The following DPP10 variants were observed in gnomAD, a reference collection of about 807,000 sequenced individuals.
DPP10 encodes inactive dipeptidyl peptidase 10.
A neutral mutation model predicts 120.9 loss-of-function variants in DPP10; 33 were observed. That is an observed-to-expected ratio of 0.27 (90% CI 0.21 to 0.37). The LOEUF (loss-of-function observed/expected upper bound fraction) is 0.37. DPP10 is among the 10% of genes least tolerant of loss of function. The pLI is 1.00. For synonymous variants in DPP10, 337 were observed against 326.1 expected (o/e 1.03, Z -0.36); for missense variants, 816 against 942.8 (o/e 0.87, Z 1.76).
chr2:115,572,996 TG>T (rs2081427644), intron 5 of DPP10, among the ~76,000 whole-genome samples: 1 of 152,176 alleles, frequency 6.6e-6, no homozygotes, highest in African/African-American at 2.4e-5. Flanking sequence ...TGTTTCTAAA[TG>T]CTGAGATAGA....
chr2:114,464,009 G>A (rs1399513239), intron 1 of DPP10, among the ~76,000 whole-genome samples: 1 of 152,170 alleles, frequency 6.6e-6, no homozygotes, highest in Non-Finnish European at 1.5e-5. Flanking sequence ...AATATTATCT[G>A]TGGATGTGTC....
In DPP10 at chr2:115,244,875, G is replaced by A. The variant is rs543425041; in HGVS notation, c.61-64364G>A. ...TATATATAATTTCATTAGTTTGGGG[G>A]AACAGGTGTTTTCTGTTACATAGAT... On this transcript the variant is annotated intron_variant, in intron 1 of 25. Transcript: ENST00000410059. Among the ~76,000 whole-genome samples the A allele has an allele frequency of 1.5e-4, 22 of 149,886 alleles. 1 individual carries two copies. In the South Asian group the frequency reaches 4.6e-3, roughly 31 times the overall value.
At chr2:115,290,812 G>C (rs776702383) in intron 1 of DPP10, among the ~76,000 whole-genome samples, 8 of 152,068 alleles carry the variant, frequency 5.3e-5, no homozygotes, top group Non-Finnish European at 1.2e-4. Flanking sequence ...CTCTAGCATT[G>C]CTTATGAAGG....
chr2:115,495,641 GT>G (rs2076356032), intron 3 of DPP10, among the ~76,000 whole-genome samples: 1 of 152,132 alleles, frequency 6.6e-6, no homozygotes, highest in South Asian at 2.1e-4. Flanking sequence ...AGGATACTAT[GT>G]TTTTCTTTTT....
intron 5 of DPP10, among the ~76,000 whole-genome samples, chr2:115,626,710 A>G (rs1439817399): frequency 6.6e-6 from 1 of 152,178 alleles, no homozygotes; most frequent in Non-Finnish European, 1.5e-5. Flanking sequence ...GATTTTCTTT[A>G]GAAGTATCAG....
intron 1 of DPP10, among the ~76,000 whole-genome samples, chr2:115,300,677 A>T (rs2061086170): frequency 6.6e-6 from 1 of 152,048 alleles, no homozygotes; most frequent in Admixed American, 6.6e-5. Context: ...ATGAATTCCC[A>T]GCTACAATTT....
intron 5 of DPP10, among the ~76,000 whole-genome samples, chr2:115,680,987 T>TTTG (rs1245406639): frequency 6.6e-6 from 1 of 151,836 alleles, no homozygotes; most frequent in Admixed American, 6.6e-5. Context: ...GTCTAAATGA[T>TTTG]TTGTTGTTGT....
intron 1 of DPP10, among the ~76,000 whole-genome samples, chr2:115,123,454 G>A (rs1055733999): frequency 1.3e-5 from 2 of 152,182 alleles, no homozygotes; most frequent in Non-Finnish European, 2.9e-5. Context: ...AGTTACTGAA[G>A]TAGTGCAAAT....
intron 1 of DPP10, among the ~76,000 whole-genome samples, chr2:114,835,958 C>A (rs1370925043): frequency 6.6e-6 from 1 of 152,116 alleles, no homozygotes; most frequent in Non-Finnish European, 1.5e-5. Context: ...GCCTTATCTT[C>A]TTTTGCCCTT....
At chr2:115,293,366 A>G (rs1051573572) in intron 1 of DPP10, among the ~76,000 whole-genome samples, 2 of 152,156 alleles carry the variant, frequency 1.3e-5, no homozygotes, top group East Asian at 1.9e-4. Context: ...AGAGACTCAC[A>G]TATCATGGAA....
intron 2 of DPP10, among the ~76,000 whole-genome samples, chr2:115,343,547 A>T (rs1442080857): frequency 2.0e-5 from 3 of 152,138 alleles, no homozygotes; most frequent in Non-Finnish European, 4.4e-5. Context: ...AGGAATTCTT[A>T]ACTGCTTTCA....
chr2:115,696,667 G>A (rs754583206), intron 7 of DPP10, among the ~76,000 whole-genome samples: 6 of 152,108 alleles, frequency 3.9e-5, no homozygotes, highest in African/African-American at 1.2e-4. Context: ...GCCTTATAAA[G>A]AAATAAAGAT....
chr2:115,292,496 A>G (rs1274047842), intron 1 of DPP10, among the ~76,000 whole-genome samples: 1 of 152,132 alleles, frequency 6.6e-6, no homozygotes, highest in Non-Finnish European at 1.5e-5. Flanking sequence ...CTTACCTTAA[A>G]ACACCATATT....
chr2:115,710,233 T>A (rs994496050), intron 7 of DPP10, among the ~76,000 whole-genome samples: 2 of 152,124 alleles, frequency 1.3e-5, no homozygotes, highest in African/African-American at 4.8e-5. Context: ...AAGAAGAACA[T>A]TGGAAATGTT....
At chr2:114,873,997 G>A (rs973862382) in intron 1 of DPP10, among the ~76,000 whole-genome samples, 1 of 152,178 alleles carries the variant, frequency 6.6e-6, no homozygotes, top group African/African-American at 2.4e-5. Context: ...TGACCACTGT[G>A]TTCAAGTTGG....
chr2:115,728,630 T>C (rs895493), intron 8 of DPP10, among the ~76,000 whole-genome samples: 61,262 of 152,054 alleles, frequency 0.4, 14,646 homozygotes, highest in East Asian at 0.65. Context: ...TCTACTTTAT[T>C]ATAAATTATA....
intron 5 of DPP10, among the ~76,000 whole-genome samples, chr2:115,675,495 AGT>A (rs2090185616): frequency 6.6e-6 from 1 of 152,184 alleles, no homozygotes; most frequent in South Asian, 2.1e-4. Context: ...TCAGCAAGGA[AGT>A]GATGAAGACC....
intron 1 of DPP10, among the ~76,000 whole-genome samples, chr2:114,645,708 C>T (rs1329854084): frequency 6.6e-6 from 1 of 152,150 alleles, no homozygotes; most frequent in East Asian, 1.9e-4. Context: ...GCTTACACAC[C>T]AGCCTTCCCA....
intron 1 of DPP10, among the ~76,000 whole-genome samples, chr2:114,527,247 C>T (rs1022440171): frequency 3.3e-5 from 5 of 152,142 alleles, no homozygotes; most frequent in Admixed American, 2.6e-4. Context: ...TTCTTTTCAA[C>T]CAGGTATTGT....
Sources: allele counts gnomAD v4.1 joint callset (sites outside exome capture counted in the v4.1 genomes callset), GRCh38; gene constraint gnomAD v4.1.1; transcripts MANE v1.5; gene names NCBI Gene and HGNC (gene_info 2026-07-23, HGNC 2026-07-21).